FRMPD4: variants seen among roughly 807,000 people sequenced by gnomAD.
FRMPD4 encodes FERM and PDZ domain-containing protein 4.
In FRMPD4, 22 loss-of-function variants were observed where a neutral mutation model predicts 94.1. The ratio of observed to expected loss-of-function variants is 0.23; its 90% CI spans 0.17 to 0.33. FRMPD4 has a LOEUF of 0.33. FRMPD4 is among the 10% of genes least tolerant of loss of function. The pLI is 1.00. For synonymous variants in FRMPD4, 631 were observed against 548.6 expected, an observed-to-expected ratio of 1.15 and a Z score of -2.10; for missense variants, 1,111 against 1,339.9, an observed-to-expected ratio of 0.83 and a Z score of 2.67.
intron 4 of FRMPD4, among the ~76,000 whole-genome samples, chrX:12,663,768 A>T (rs756010494): frequency 2.7e-5 from 3 of 112,569 alleles, no homozygotes; most frequent in African/African-American, 6.5e-5. Context: ...TGGAGATAGC[A>T]TGGAATCTAT....
chrX:12,377,780 G>A (rs1265162347), intron 1 of FRMPD4, among the ~76,000 whole-genome samples: 1 of 112,806 alleles, frequency 8.9e-6, no homozygotes, highest in African/African-American at 3.2e-5. Context: ...GGTGCTGGCA[G>A]TGAAATGTAA....
rs781271234 is a variant in FRMPD4, at chrX:12,301,075, T to C, written c.41+162063T>C. ...CCGTGGTCTATAACTGCTTTCTCTT[T>C]CTCACTTTCCACAGTCAAGGGGTGG... is the stretch of plus-strand genomic sequence containing the variant. On this transcript the variant is annotated intron_variant, in intron 1 of 16. Transcript: ENST00000675598. Among the ~76,000 whole-genome samples, 35 of 111,573 alleles carry C rather than the reference T, an allele frequency of 3.1e-4. 1 individual carries two copies. The highest frequency in any genetic ancestry group is 1.1e-3 in the African/African-American group (35 of 30,713).
chrX:11,988,285 G>A (rs2054444216), intron 3 of FRMPD4, among the ~76,000 whole-genome samples: 1 of 109,752 alleles, frequency 9.1e-6, no homozygotes, highest in Non-Finnish European at 1.9e-5. Context: ...ATAAATCCAT[G>A]TACCTACAGG....
chrX:12,659,148 C>T (rs113764548), intron 4 of FRMPD4, among the ~76,000 whole-genome samples: 7 of 111,953 alleles, frequency 6.3e-5, no homozygotes, highest in African/African-American at 2.3e-4. Flanking sequence ...CCCCCTGTGC[C>T]CAGGAGGTTC....
intron 1 of FRMPD4, among the ~76,000 whole-genome samples, chrX:11,824,506 A>G (rs1011971115): frequency 1.8e-5 from 2 of 111,241 alleles, no homozygotes; most frequent in Admixed American, 9.6e-5. Flanking sequence ...TCTACCCACT[A>G]AATGTTAATA....
chrX:12,305,588 C>T (rs1374594723), intron 1 of FRMPD4, among the ~76,000 whole-genome samples: 5 of 105,577 alleles, frequency 4.7e-5, no homozygotes, highest in South Asian at 4.3e-4. Context: ...GACAGAGTCT[C>T]ACTTTGTCAC....
chrX:11,864,121 G>T (rs1385116838), intron 1 of FRMPD4, among the ~76,000 whole-genome samples: 6 of 110,940 alleles, frequency 5.4e-5, no homozygotes, highest in Non-Finnish European at 1.1e-4. Context: ...ATAATAGGCT[G>T]CCAGGCAGAG....
rs2148224698 is a variant in FRMPD4 at position 12,498,738 on chromosome X, G to C, written c.100G>C (p.Val34Leu). Residue 34 changes from valine (V) to leucine (L), a missense_variant, in exon 2 of 17, where the codon GTG (valine) becomes CTG (leucine). Physicochemically the swap from Val to Leu is conservative, Grantham distance 32 (BLOSUM62 1). Around this residue, in one of 8 missense-constraint regions of FRMPD4, gnomAD observed 140 missense variants for 165.9 expected, o/e 0.84. Transcript: ENST00000675598. ...PPSGTWGLSQ[V>L]PPYGWEMTAN... ...CTCGGGAACCTGGGGCTTGAGCCAG[G>C]TGCCGCCCTATGGATGGGAGATGAC... 8.3e-7 allele frequency: 1 copy of C among 1,203,700 alleles called. No individual in the cohort carries two copies. The highest frequency in any genetic ancestry group is 1.1e-6 in the Non-Finnish European group (1 of 889,740).
chrX:12,591,078 G>A (rs1048791520), intron 2 of FRMPD4, among the ~76,000 whole-genome samples: 4 of 111,606 alleles, frequency 3.6e-5, no homozygotes, highest in African/African-American at 1.3e-4. Context: ...CCCCAAAACA[G>A]TCAAATATTT....
intron 1 of FRMPD4, chrX:12,375,166 A>T (rs1442578506): frequency 8.9e-6 from 1 of 112,737 alleles, no homozygotes; most frequent in Non-Finnish European, 1.9e-5. Flanking sequence ...GTAAAGCAGG[A>T]TGGTTGGCTT....
chrX:12,453,080 G>A (rs1456352977), intron 1 of FRMPD4, among the ~76,000 whole-genome samples: 3 of 112,347 alleles, frequency 2.7e-5, no homozygotes, highest in African/African-American at 9.7e-5. Context: ...TTGTTACTTA[G>A]AGGCAAGTAG....
chrX:12,525,436 GATTT>G (rs2058212755), intron 2 of FRMPD4, among the ~76,000 whole-genome samples: 1 of 111,760 alleles, frequency 8.9e-6, no homozygotes, highest in African/African-American at 3.3e-5. Flanking sequence ...TCATTAAACA[GATTT>G]TTTTATTCAC....
At chrX:11,954,836 G>T (rs1184844627) in intron 3 of FRMPD4, among the ~76,000 whole-genome samples, 2 of 109,882 alleles carry the variant, frequency 1.8e-5, no homozygotes, top group Non-Finnish European at 3.8e-5. Flanking sequence ...GACCTTGTTG[G>T]TGTCCTTGGG....
intron 2 of FRMPD4, among the ~76,000 whole-genome samples, chrX:11,868,592 G>T (rs1456914672): frequency 8.9e-6 from 1 of 112,078 alleles, no homozygotes; most frequent in Non-Finnish European, 1.9e-5. Flanking sequence ...TATCCCTGTA[G>T]ATAAAATCCT....
intron 1 of FRMPD4, among the ~76,000 whole-genome samples, chrX:12,213,086 A>G (rs1025542961): frequency 6.3e-5 from 7 of 111,233 alleles, no homozygotes; most frequent in Non-Finnish European, 1.1e-4. Context: ...ACAGCCATGC[A>G]TTGCTATAGC....
At chrX:12,560,089 G>T (rs1269587924) in intron 2 of FRMPD4, among the ~76,000 whole-genome samples, 2 of 111,971 alleles carry the variant, frequency 1.8e-5, no homozygotes, top group Non-Finnish European at 3.8e-5. Flanking sequence ...TATTGGTTTA[G>T]CTCTCACAAT....
At chrX:12,421,162 G>T (rs2056878499) in intron 1 of FRMPD4, among the ~76,000 whole-genome samples, 1 of 112,375 alleles carries the variant, frequency 8.9e-6, no homozygotes, top group Non-Finnish European at 1.9e-5. Flanking sequence ...TATATATGAG[G>T]AGGGTGGGGT....
intron 9 of FRMPD4, among the ~76,000 whole-genome samples, chrX:12,695,224 C>T (rs1186134318): frequency 9.0e-6 from 1 of 111,566 alleles, no homozygotes; most frequent in Non-Finnish European, 1.9e-5. Context: ...ACGCGAGTGA[C>T]TTTGTGTCCT....
intron 2 of FRMPD4, 107 bp from the exon 3 acceptor site, chrX:12,609,614 C>T (rs1241978842): frequency 8.7e-6 from 6 of 688,700 alleles, no homozygotes; most frequent in Non-Finnish European, 1.3e-5. Context: ...ATCTTTCTCA[C>T]TCTCTACCAA....
Sources: allele counts gnomAD v4.1 joint callset (sites outside exome capture counted in the v4.1 genomes callset), GRCh38; gene constraint gnomAD v4.1.1; regional missense constraint gnomAD v4.1.1; transcripts MANE v1.5; gene names NCBI Gene and HGNC (gene_info 2026-07-23, HGNC 2026-07-21).